The following ATXN7 variants were observed in gnomAD, a reference collection of about 807,000 sequenced individuals.
ATXN7 encodes the protein ataxin 7.
ATXN7 carries 12 observed loss-of-function variants against 70.5 expected under a neutral mutation model. That is an observed-to-expected ratio of 0.17 (90% CI 0.11 to 0.28). The LOEUF is 0.28. Among genes scored for constraint, ATXN7 ranks in the 10% least tolerant of loss-of-function variants. The pLI, the probability that ATXN7 is intolerant of heterozygous loss-of-function variation, is 1.00. For missense variants in ATXN7, 1,256 were observed against 1,131.7 expected, an observed-to-expected ratio of 1.11 and a Z score of -1.58; for synonymous variants, 498 against 448.7, an observed-to-expected ratio of 1.11 and a Z score of -1.39.
intron 1 of ATXN7, among the ~76,000 whole-genome samples, chr3:63,868,453 A>C (rs1275220136): frequency 6.6e-6 from 1 of 152,242 alleles, no homozygotes; most frequent in African/African-American, 2.4e-5. Context: ...GGGAACCATT[A>C]ATAAACATCT....
chr3:63,936,378 G>C (rs539213498), intron 4 of ATXN7, among the ~76,000 whole-genome samples: 1 of 152,008 alleles, frequency 6.6e-6, no homozygotes, highest in African/African-American at 2.4e-5. Flanking sequence ...GCCTCCATGT[G>C]GTGTCTGTGA....
chr3:63,959,596 GA>G (rs1450490099), intron 5 of ATXN7, among the ~76,000 whole-genome samples: 9 of 152,032 alleles, frequency 5.9e-5, no homozygotes, highest in Non-Finnish European at 1.3e-4. Flanking sequence ...TGCTACAAGT[GA>G]AAAAATGCTA....
At chr3:63,917,164 C>T (rs907170294) in intron 4 of ATXN7, among the ~76,000 whole-genome samples, 1 of 152,164 alleles carries the variant, frequency 6.6e-6, no homozygotes. Flanking sequence ...AAGTGATCCA[C>T]CCACCTCGGC....
chr3:64,001,424 T>G lies in ATXN7; in HGVS notation c.*1957T>G, dbSNP rs1431394735. On this transcript the variant is annotated 3_prime_UTR_variant, in exon 13 of 13. Transcript: ENST00000674280. ...AGGTGAGAGGGAATCAGAACGTACC[T>G]AGTTGATTCCTTGGTGACAAGTGCA... The G allele has an allele frequency of 6.6e-6, 1 of 152,172 alleles. No homozygotes were observed. The highest frequency in any genetic ancestry group is 1.5e-5 in the Non-Finnish European group (1 of 68,040). 9.4% of individuals were successfully genotyped at this position (152,172 alleles called of 1,614,324 possible).
At chr3:63,964,129 G>A (rs752618174) in intron 5 of ATXN7, among the ~76,000 whole-genome samples, 10 of 150,682 alleles carry the variant, frequency 6.6e-5, no homozygotes, top group Non-Finnish European at 1.3e-4. Flanking sequence ...ATTTTAATTT[G>A]AAATAAATTC....
intron 1 of ATXN7, among the ~76,000 whole-genome samples, chr3:63,872,539 G>A (rs1241946870): frequency 6.6e-6 from 1 of 152,122 alleles, no homozygotes; most frequent in Non-Finnish European, 1.5e-5. Context: ...AAGGTTTCTG[G>A]AGGCTTAAGC....
At position 64,002,252 on chromosome 3, in the gene ATXN7, C is replaced by T. The variant is rs1258643507; in HGVS notation, c.*2785C>T. 2.0e-5 allele frequency: 3 copies of T among 152,020 alleles called. No individual in the cohort carries two copies. The East Asian group carries it at 5.8e-4, about 29-fold the overall frequency. The allele number at this position is 152,020 out of a possible 1,614,324, so 9.4% of individuals were successfully genotyped here. ...TTTATTAATTAATAAAAGTAAATAC[C>T]TTTTTATAATTTGAAGTGGTTCACT... On this transcript the variant is annotated 3_prime_UTR_variant, in exon 13 of 13. Coordinates refer to ENST00000674280, the MANE Select transcript of ATXN7 (RefSeq NM_001377405.1).
chr3:63,998,666 T>G (rs2075798590), intron 12 of ATXN7: 5 of 985,418 alleles, frequency 5.1e-6, no homozygotes, highest in Non-Finnish European at 6.0e-6. Flanking sequence ...GGTGCTTGCT[T>G]AGAGATCAAA....
chr3:63,981,999 C>G (rs926275906), intron 6 of ATXN7, among the ~76,000 whole-genome samples, 187 bp from the exon 7 acceptor site: 1 of 152,140 alleles, frequency 6.6e-6, no homozygotes, highest in African/African-American at 2.4e-5. Flanking sequence ...TTTTGCCTCA[C>G]CAGAAGGGCT....
intron 4 of ATXN7, among the ~76,000 whole-genome samples, chr3:63,932,232 C>G (rs1355373003): frequency 6.6e-6 from 1 of 152,082 alleles, no homozygotes; most frequent in Non-Finnish European, 1.5e-5. Context: ...TTTTGTTTTG[C>G]TTAGTGCATT....
intron 7 of ATXN7, among the ~76,000 whole-genome samples, chr3:63,982,691 C>A (rs1238852480): frequency 6.7e-6 from 1 of 149,390 alleles, no homozygotes; most frequent in African/African-American, 2.5e-5. Context: ...TGGTGTATTT[C>A]TGAAGGAAGT....
In ATXN7 at chr3:63,930,562, C is replaced by T. The variant is rs547952802; in HGVS notation, c.394+17337C>T. Among the ~76,000 whole-genome samples the T allele has an allele frequency of 6.6e-5, 10 of 150,768 alleles. No individual in the cohort carries two copies. The East Asian group carries it at 1.6e-3, about 24-fold the overall frequency. ...TTTTTTTTTTTTGAAGATGGAGTCT[C>T]GCTCTGTTGCCCAGGCTGGAGTGCA... On this transcript the variant is annotated intron_variant, in intron 4 of 12. Coordinates refer to ENST00000674280, the MANE Select transcript of ATXN7 (RefSeq NM_001377405.1).
chr3:63,980,667 A>G (rs1417303748), intron 6 of ATXN7: 1 of 162,164 alleles, frequency 6.2e-6, no homozygotes, highest in Non-Finnish European at 1.4e-5. Flanking sequence ...TATTTTAGTT[A>G]ATATATGTCT....
chr3:63,974,693 C>A (rs77684713), intron 5 of ATXN7, among the ~76,000 whole-genome samples: 3,684 of 152,298 alleles, frequency 0.024, 145 homozygotes, highest in African/African-American at 0.082. Flanking sequence ...TGGTGCCTGG[C>A]ATGTGGTTTC....
intron 5 of ATXN7, among the ~76,000 whole-genome samples, chr3:63,954,312 G>T (rs1341801888): frequency 6.6e-6 from 1 of 152,198 alleles, no homozygotes; most frequent in Non-Finnish European, 1.5e-5. Flanking sequence ...GGTGGCCCCG[G>T]ATTGGCAACA....
chr3:63,902,840 T>TATTAG (rs1703695469), intron 2 of ATXN7, among the ~76,000 whole-genome samples: 2 of 151,950 alleles, frequency 1.3e-5, no homozygotes, highest in Admixed American at 1.3e-4. Flanking sequence ...TAGAGTTTCT[T>TATTAG]CTTCAAAAAA....
intron 1 of ATXN7, among the ~76,000 whole-genome samples, chr3:63,882,769 A>G (rs1702954415): frequency 2.0e-5 from 3 of 152,168 alleles, no homozygotes; most frequent in Admixed American, 1.3e-4. Context: ...AAAGATCATG[A>G]TTTTAGGATC....
chr3:63,953,494 G>GTA (rs1553690603), intron 5 of ATXN7, among the ~76,000 whole-genome samples: 1 of 152,110 alleles, frequency 6.6e-6, no homozygotes, highest in Non-Finnish European at 1.5e-5. Flanking sequence ...GAGGATTTAT[G>GTA]TAAGAGAGTA....
chr3:63,947,286 A>G (rs1310152160), intron 4 of ATXN7, among the ~76,000 whole-genome samples: 2 of 152,072 alleles, frequency 1.3e-5, no homozygotes, highest in African/African-American at 4.8e-5. Context: ...TCACGGTTCA[A>G]TATGTGAAGA....
Sources: allele counts gnomAD v4.1 joint callset (sites outside exome capture counted in the v4.1 genomes callset), GRCh38; gene constraint gnomAD v4.1.1; transcripts MANE v1.5; gene names NCBI Gene and HGNC (gene_info 2026-07-23, HGNC 2026-07-21).